ZBTB20: variants seen among roughly 807,000 people sequenced by gnomAD.
ZBTB20 encodes zinc finger and BTB domain containing 20, also known as zinc finger and BTB domain-containing protein 20.
Under a neutral mutation model 56.9 loss-of-function variants are expected in ZBTB20, and 9 were observed. That is an observed-to-expected ratio of 0.16 (90% CI 0.10 to 0.28). The LOEUF (loss-of-function observed/expected upper bound fraction) is 0.28, where lower values mean the gene tolerates loss of function less well. ZBTB20 is among the 10% of genes least tolerant of loss of function. The pLI is 1.00. For synonymous variants in ZBTB20, 417 were observed against 420.7 expected (o/e 0.99, Z 0.11); for missense variants, 655 against 1,003.0 (o/e 0.65, Z 4.69).
chr3:114,549,163 A>T (rs1229848183), intron 6 of ZBTB20, among the ~76,000 whole-genome samples: 1 of 152,234 alleles, frequency 6.6e-6, no homozygotes, highest in Non-Finnish European at 1.5e-5. Context: ...TTCACTAAAT[A>T]TCTAATCAAA....
intron 2 of ZBTB20, among the ~76,000 whole-genome samples, chr3:115,014,544 T>C (rs2079861912): frequency 6.6e-6 from 1 of 151,598 alleles, no homozygotes; most frequent in Admixed American, 6.6e-5. Flanking sequence ...CATAAATATA[T>C]ATACCTACTA....
intron 6 of ZBTB20, among the ~76,000 whole-genome samples, chr3:114,688,943 AC>A (rs2062525843): frequency 6.6e-6 from 1 of 152,152 alleles, no homozygotes; most frequent in Admixed American, 6.5e-5. Flanking sequence ...TGTCCCATGG[AC>A]CAATCCACAT....
chr3:115,018,864 T>G (rs1003186059), intron 2 of ZBTB20, among the ~76,000 whole-genome samples: 1 of 151,380 alleles, frequency 6.6e-6, no homozygotes, highest in Non-Finnish European at 1.5e-5. Flanking sequence ...TATGGGTGAC[T>G]GCAGTAAATT....
Position 114,316,516 on chromosome 3 carries a change from A to G in ZBTB20, c.*22489T>C, listed in dbSNP as rs745799813. On this transcript the variant is annotated 3_prime_UTR_variant, in exon 12 of 12. Coordinates refer to ENST00000675478, the MANE Select transcript of ZBTB20 (RefSeq NM_001348800.3). ...CATGTATAATATATACACTATATAT[A>G]TGTGGATACATATAGGAAGTGTGTA... 25 of 532,508 alleles carry G rather than the reference A, an allele frequency of 4.7e-5. No homozygotes were observed. The highest frequency in any genetic ancestry group is 9.2e-5 in the Non-Finnish European group (24 of 259,470). The allele number at this position is 532,508 out of a possible 1,614,324, so 33.0% of individuals were successfully genotyped here.
At chr3:115,093,669 G>A (rs939642980) in intron 1 of ZBTB20, among the ~76,000 whole-genome samples, 2 of 152,088 alleles carry the variant, frequency 1.3e-5, no homozygotes, top group African/African-American at 4.8e-5. Flanking sequence ...TGTGTTGTTG[G>A]TAAAGCTTCT....
rs1052718835 is a variant in ZBTB20 at position 114,401,154 on chromosome 3, A to T, written c.-254-12049T>A. ...TGCTTCACAGCACAGTGAGACAGAC[A>T]GGGAGGAGACAGAAGGAGAAAGGGG... On this transcript the variant is annotated intron_variant, in intron 7 of 11. Transcript: ENST00000675478. Among the ~76,000 whole-genome samples, 7 of 150,406 alleles carry T rather than the reference A, an allele frequency of 4.7e-5. No homozygotes were observed. In the East Asian group the frequency reaches 1.4e-3, roughly 30 times the overall value.
chr3:115,026,895 C>CAAG (rs1451576187), intron 2 of ZBTB20, among the ~76,000 whole-genome samples: 1 of 150,606 alleles, frequency 6.6e-6, no homozygotes, highest in East Asian at 1.9e-4. Flanking sequence ...CAACCACAGG[C>CAAG]ATTTCTTCCC....
chr3:114,393,224 ACCAGATAGAACTTACTTCT>A (rs2086041487), intron 7 of ZBTB20, among the ~76,000 whole-genome samples: 1 of 120,762 alleles, frequency 8.3e-6, no homozygotes, highest in South Asian at 2.6e-4. Context: ...TTGACACTTC[ACCAGATAGAACTTACTTCT>A]CCTTTTGCCC....
chr3:114,997,613 AAGG>A (rs2079079800), intron 2 of ZBTB20, among the ~76,000 whole-genome samples: 1 of 151,834 alleles, frequency 6.6e-6, no homozygotes, highest in Admixed American at 6.6e-5. Context: ...GTTGATAACA[AAGG>A]AGTTTACAAA....
chr3:114,485,531 C>T (rs2055982), intron 7 of ZBTB20, among the ~76,000 whole-genome samples: 100,612 of 152,012 alleles, frequency 0.66, 34,463 homozygotes, highest in Non-Finnish European at 0.76. Flanking sequence ...AATGAAATAT[C>T]ATTTTATTAC....
chr3:115,063,631 A>C (rs953601616), intron 2 of ZBTB20, among the ~76,000 whole-genome samples: 2 of 148,164 alleles, frequency 1.3e-5, no homozygotes, highest in South Asian at 2.2e-4. Flanking sequence ...TTTAGTTATC[A>C]TTTCTCATTA....
At chr3:114,762,616 T>C (rs1184928747) in intron 5 of ZBTB20, among the ~76,000 whole-genome samples, 2 of 152,170 alleles carry the variant, frequency 1.3e-5, no homozygotes, top group African/African-American at 4.8e-5. Flanking sequence ...TATTGGTGTT[T>C]ATTCTATGGA....
intron 6 of ZBTB20, among the ~76,000 whole-genome samples, chr3:114,634,256 C>T (rs752541302): frequency 3.3e-5 from 5 of 152,124 alleles, no homozygotes; most frequent in Non-Finnish European, 7.4e-5. Context: ...AAATATATCA[C>T]TGAATTAAAA....
At chr3:114,851,671 C>T (rs2075007565) in intron 4 of ZBTB20, among the ~76,000 whole-genome samples, 2 of 151,942 alleles carry the variant, frequency 1.3e-5, no homozygotes. Context: ...TCCTTAACTT[C>T]TGACTTTATT....
chr3:115,050,460 T>A (rs192564710), intron 2 of ZBTB20, among the ~76,000 whole-genome samples: 1,590 of 152,072 alleles, frequency 0.01, 18 homozygotes, highest in African/African-American at 0.031. Flanking sequence ...ATTAAGTGAA[T>A]GAATTAAGCT....
At chr3:114,486,707 G>A (rs981070296) in intron 7 of ZBTB20, among the ~76,000 whole-genome samples, 12 of 152,080 alleles carry the variant, frequency 7.9e-5, no homozygotes, top group African/African-American at 1.9e-4. Context: ...TGAGACACAC[G>A]GTTCTCTCAT....
At chr3:114,626,718 A>G (rs1288599379) in intron 6 of ZBTB20, among the ~76,000 whole-genome samples, 1 of 152,210 alleles carries the variant, frequency 6.6e-6, no homozygotes, top group Non-Finnish European at 1.5e-5. Context: ...GTTGTCCAGT[A>G]ACTAGAGGCC....
intron 5 of ZBTB20, among the ~76,000 whole-genome samples, chr3:114,720,531 C>A (rs527557666): frequency 6.6e-6 from 1 of 151,944 alleles, no homozygotes; most frequent in East Asian, 1.9e-4. Context: ...AAGAAAGCAG[C>A]ATGATGACTG....
chr3:114,768,758 A>G (rs2068961565), intron 5 of ZBTB20, among the ~76,000 whole-genome samples: 1 of 152,164 alleles, frequency 6.6e-6, no homozygotes, highest in Admixed American at 6.6e-5. Flanking sequence ...GAGAGATATC[A>G]TTATCCTTTT....
Sources: gnomAD v4.1 joint callset for allele counts (sites outside exome capture counted in the v4.1 genomes callset) on GRCh38, gnomAD v4.1.1 for gene constraint, MANE v1.5 for transcripts, NCBI Gene and HGNC (gene_info 2026-07-23, HGNC 2026-07-21) for gene names.